Variants in COBLL1 observed in about 807,000 individuals in gnomAD.
The protein encoded by COBLL1 is cordon-bleu WH2 repeat protein like 1.
In COBLL1, 50 loss-of-function variants were observed where a neutral mutation model predicts 94.8. The ratio of observed to expected loss-of-function variants is 0.53; its 90% confidence interval spans 0.42 to 0.67. The LOEUF is 0.67. Among genes scored for constraint, COBLL1 ranks in the 30% least tolerant of loss-of-function variants. COBLL1 has a pLI of 0.00. For missense variants in COBLL1, 1,362 were observed against 1,348.7 expected (o/e 1.01, Z -0.15); for synonymous variants, 448 against 473.8 (o/e 0.95, Z 0.71).
rs371064734 is a variant in COBLL1, at chr2:164,742,851, C to G, written c.230+836G>C. Reference sequence around the variant, plus strand: ...TTTCCTTATACACAACACACACACACAGAGAAAGAGAGAGAGAGAGCGAGC... The same window carrying G: ...TTTCCTTATACACAACACACACACAGAGAGAAAGAGAGAGAGAGAGCGAGC... On this transcript the variant is annotated intron_variant, in intron 3 of 13. Transcript: ENST00000652658. Among the ~76,000 whole-genome samples, 99 of 151,968 alleles carry G rather than the reference C, an allele frequency of 6.5e-4. 1 individual carries two copies. The highest frequency in any genetic ancestry group is 2.2e-3 in the African/African-American group (93 of 41,450).
intron 2 of COBLL1, among the ~76,000 whole-genome samples, chr2:164,662,630 T>A (rs1195262302): frequency 6.6e-6 from 1 of 152,192 alleles, no homozygotes; most frequent in Non-Finnish European, 1.5e-5. Context: ...GATGTTTGGA[T>A]CATGGGAGTG....
At chr2:164,726,966 A>G (rs1157214692) in intron 5 of COBLL1, 1 of 384,178 alleles carries the variant, frequency 2.6e-6, no homozygotes, top group Admixed American at 4.5e-5. Context: ...TCAAGGAAAT[A>G]AAACCCAAAT....
intron 2 of COBLL1, among the ~76,000 whole-genome samples, chr2:164,819,857 AC>A (rs1469195533): frequency 2.7e-5 from 4 of 150,048 alleles, no homozygotes; most frequent in Non-Finnish European, 5.9e-5. Flanking sequence ...ACAGAGTCTC[AC>A]TCTGTTGCCC....
intron 7 of COBLL1, among the ~76,000 whole-genome samples, chr2:164,707,150 A>ATT (rs532354553): frequency 0.017 from 2,570 of 147,060 alleles, 22 homozygotes; most frequent in South Asian, 0.028. Flanking sequence ...CTCAAAAGTC[A>ATT]TTTTTTTTTT....
chr2:164,837,524 C>T, intron 2 of COBLL1: 1 of 441,498 alleles, frequency 2.3e-6, no homozygotes. Flanking sequence ...GCAAACCAAC[C>T]TAGGATTTCC....
At chr2:164,720,258 T>C (rs1685376812) in intron 7 of COBLL1, among the ~76,000 whole-genome samples, 1 of 141,870 alleles carries the variant, frequency 7.0e-6, no homozygotes, top group Non-Finnish European at 1.5e-5. Context: ...AGATGTGTAG[T>C]TTGCCAAAGG....
intron 2 of COBLL1, among the ~76,000 whole-genome samples, chr2:164,772,257 C>T (rs1688244911): frequency 6.6e-6 from 1 of 151,674 alleles, no homozygotes; most frequent in Non-Finnish European, 1.5e-5. Flanking sequence ...TTTATGTCAA[C>T]CTTAAATGTG....
intron 5 of COBLL1, among the ~76,000 whole-genome samples, chr2:164,726,051 T>A (rs997706035): frequency 2.0e-5 from 3 of 152,212 alleles, no homozygotes; most frequent in Non-Finnish European, 4.4e-5. Flanking sequence ...TTCACTCTCT[T>A]AAGATTTGTC....
Position 164,722,424 on chromosome 2 carries a change from C to A in COBLL1, c.759+1G>T. The A allele has an allele frequency of 6.6e-7, 1 of 1,511,478 alleles. No individual in the cohort carries two copies. Among genetic ancestry groups the A allele is most frequent in the Non-Finnish European group, 8.9e-7 (1 of 1,125,866 alleles). 93.6% of individuals were successfully genotyped at this position (1,511,478 alleles called of 1,614,324 possible). ...AAAATGCAATATAAGAAAATACTTA[C>A]TTGGTCTCGCTTTTTCTTACTGCGT... On this transcript the variant is annotated splice_donor_variant, in intron 6 of 13. Transcript: ENST00000652658. LOFTEE classifies it high-confidence loss of function.
intron 11 of COBLL1, chr2:164,697,946 CAAG>C (rs1254942871): frequency 4.6e-5 from 7 of 151,926 alleles, no homozygotes; most frequent in African/African-American, 7.2e-5. Context: ...GACAAACTTA[CAAG>C]AAGGTGATTT....
chr2:164,777,293 A>G (rs1688507995), intron 2 of COBLL1, among the ~76,000 whole-genome samples: 1 of 151,912 alleles, frequency 6.6e-6, no homozygotes, highest in Non-Finnish European at 1.5e-5. Context: ...AAAAGAAATA[A>G]TATGCCAGGA....
At chr2:164,799,278 G>A (rs1462853213) in intron 2 of COBLL1, among the ~76,000 whole-genome samples, 1 of 152,148 alleles carries the variant, frequency 6.6e-6, no homozygotes, top group Non-Finnish European at 1.5e-5. Flanking sequence ...AAGAGAAGGG[G>A]TTTCCTAATG....
intron 2 of COBLL1, among the ~76,000 whole-genome samples, chr2:164,785,578 A>G (rs1688917135): frequency 1.3e-5 from 2 of 152,216 alleles, no homozygotes; most frequent in Non-Finnish European, 2.9e-5. Flanking sequence ...GAACAGACAC[A>G]TAACTTCAAG....
At chr2:164,700,188 G>A (rs1187961797) in intron 10 of COBLL1, among the ~76,000 whole-genome samples, 2 of 151,952 alleles carry the variant, frequency 1.3e-5, no homozygotes, top group African/African-American at 2.4e-5. Context: ...GGAATACTTG[G>A]TAAAAATTGA....
intron 9 of COBLL1, among the ~76,000 whole-genome samples, chr2:164,702,436 C>T (rs1445455642): frequency 1.3e-5 from 2 of 150,678 alleles, no homozygotes; most frequent in African/African-American, 4.9e-5. Context: ...TGGTGGCGGG[C>T]GCCTGTAGTC....
At position 164,817,966 on chromosome 2, in the gene COBLL1, T is replaced by C. The variant is rs557739893; in HGVS notation, c.41+23190A>G. 3.9e-5 allele frequency among the ~76,000 whole-genome samples: 6 copies of C among 152,250 alleles called. No individual in the cohort carries two copies. In the South Asian group the frequency reaches 1.2e-3, roughly 32 times the overall value. ...ATGTTGAACAAATTACATCATTTAA[T>C]TTTTCCAGTTTCTCAATCACAAATA... On this transcript the variant is annotated intron_variant, in intron 2 of 13. Coordinates refer to ENST00000652658, the MANE Select transcript of COBLL1 (RefSeq NM_001365672.2).
chr2:164,771,460 CT>C (rs1334652231), intron 2 of COBLL1, among the ~76,000 whole-genome samples: 5 of 151,902 alleles, frequency 3.3e-5, no homozygotes, highest in Non-Finnish European at 5.9e-5. Context: ...TAGAGTACCC[CT>C]ATTAGACAAA....
At chr2:164,831,196 C>T (rs994051682) in intron 2 of COBLL1, among the ~76,000 whole-genome samples, 1 of 151,990 alleles carries the variant, frequency 6.6e-6, no homozygotes, top group Non-Finnish European at 1.5e-5. Flanking sequence ...GTGGCTCATG[C>T]CTGTAGTCCC....
intron 2 of COBLL1, among the ~76,000 whole-genome samples, chr2:164,795,685 C>G (rs1406550882): frequency 1.3e-5 from 2 of 152,016 alleles, no homozygotes; most frequent in African/African-American, 4.8e-5. Context: ...AGACTAAAGG[C>G]ACCACATTAG....
Sources: allele counts gnomAD v4.1 joint callset (sites outside exome capture counted in the v4.1 genomes callset), GRCh38; gene constraint gnomAD v4.1.1; transcripts MANE v1.5; gene names NCBI Gene and HGNC (gene_info 2026-07-23, HGNC 2026-07-21).